Variants in TACC1 observed in about 807,000 individuals in gnomAD.
TACC1 encodes the protein transforming acidic coiled-coil-containing protein 1.
TACC1 carries 48 observed loss-of-function variants against 84.4 expected under a neutral mutation model. That is an observed-to-expected ratio of 0.57 (90% CI 0.45 to 0.72). The LOEUF (loss-of-function observed/expected upper bound fraction) is 0.72, where lower values mean the gene tolerates loss of function less well. Ranked by LOEUF, TACC1 falls within the 30% of genes least tolerant of loss-of-function variation. TACC1 has a pLI of 0.00. For missense variants in TACC1, 920 were observed against 973.0 expected (o/e 0.95, Z 0.72); for synonymous variants, 372 against 376.3 (o/e 0.99, Z 0.13).
intron 6 of TACC1, among the ~76,000 whole-genome samples, chr8:38,831,497 GTTA>G (rs1023133500): frequency 6.6e-6 from 1 of 151,800 alleles, no homozygotes; most frequent in Non-Finnish European, 1.5e-5. Context: ...TATTATTGTT[GTTA>G]TTATTATTAT....
chr8:38,812,744 T>C (rs1587906334), intron 2 of TACC1, among the ~76,000 whole-genome samples: 1 of 152,372 alleles, frequency 6.6e-6, no homozygotes, highest in East Asian at 1.9e-4. Flanking sequence ...ATGGTGCCTT[T>C]CTATTTCCCA....
intron 2 of TACC1, 74 bp downstream of exon 2, chr8:38,788,893 A>G: frequency 8.1e-7 from 1 of 1,233,990 alleles, no homozygotes; most frequent in Non-Finnish European, 1.1e-6. Context: ...AGGAAGGAAA[A>G]AAGTGTAAAT....
At chr8:38,837,912 G>T (rs1830532767) in intron 7 of TACC1, among the ~76,000 whole-genome samples, 1 of 152,246 alleles carries the variant, frequency 6.6e-6, no homozygotes, top group Non-Finnish European at 1.5e-5. Flanking sequence ...TAACTAGCAA[G>T]ACTCTACCCA....
rs60301511 is a variant in TACC1 at position 38,817,919 on chromosome 8, TAAA to T, written c.278-1577_278-1575del. On this transcript the variant is annotated intron_variant, in intron 2 of 12. Coordinates refer to ENST00000317827, the MANE Select transcript of TACC1 (RefSeq NM_006283.3). The stretch of plus-strand genomic sequence containing the variant: ...CCTGGGCAACAGAGTGAGAGACCCC[TAAA>T]AAAAAAAAAAAAAAAAAAAAAAAAA... 1.2e-3 allele frequency among the ~76,000 whole-genome samples: 55 copies of T among 47,822 alleles called. No homozygotes were observed. In the East Asian group the frequency reaches 0.017, roughly 15 times the overall value. The allele number at this position is 47,822 out of a possible 152,430, so 31.4% of individuals were successfully genotyped here.
intron 2 of TACC1, among the ~76,000 whole-genome samples, chr8:38,789,421 T>C (rs747730181): frequency 6.6e-6 from 1 of 152,168 alleles, no homozygotes; most frequent in Non-Finnish European, 1.5e-5. Flanking sequence ...AGAATAAAAT[T>C]TCACCTATCC....
chr8:38,812,848 T>C (rs1824541484), intron 2 of TACC1, among the ~76,000 whole-genome samples: 1 of 152,206 alleles, frequency 6.6e-6, no homozygotes, highest in Non-Finnish European at 1.5e-5. Context: ...AGCCCTCCTC[T>C]TTTTTGCTTG....
chr8:38,806,843 A>C lies in TACC1; in HGVS notation c.278-12679A>C, dbSNP rs1363415896. On this transcript the variant is annotated intron_variant, in intron 2 of 12. Coordinates refer to ENST00000317827, the MANE Select transcript of TACC1 (RefSeq NM_006283.3). Reference sequence around the variant, plus strand: ...CTTTCTCGAGTTAGCCTCAGACTCCACAGGCTTAAGGGCTCAATCTCACAA... The same window carrying C: ...CTTTCTCGAGTTAGCCTCAGACTCCCCAGGCTTAAGGGCTCAATCTCACAA... 3.3e-5 allele frequency among the ~76,000 whole-genome samples: 5 copies of C among 152,154 alleles called. No individual in the cohort carries two copies. The East Asian group carries it at 7.7e-4, about 23-fold the overall frequency.
intron 7 of TACC1, among the ~76,000 whole-genome samples, chr8:38,837,147 G>A: frequency 7.0e-6 from 1 of 143,080 alleles, no homozygotes; most frequent in African/African-American, 2.6e-5. Context: ...TGGCGCAGTA[G>A]CTCATGCCTG....
At chr8:38,833,729 C>A (rs904505585) in intron 6 of TACC1, among the ~76,000 whole-genome samples, 1 of 152,148 alleles carries the variant, frequency 6.6e-6, no homozygotes, top group African/African-American at 2.4e-5. Context: ...TGATGTTTTC[C>A]TGGCTATGAA....
At chr8:38,821,297 T>C (rs945553585) in intron 3 of TACC1, among the ~76,000 whole-genome samples, 2 of 152,074 alleles carry the variant, frequency 1.3e-5, no homozygotes, top group Non-Finnish European at 2.9e-5. Flanking sequence ...TTATAGACAA[T>C]TCAAATGTCA....
intron 6 of TACC1, among the ~76,000 whole-genome samples, chr8:38,832,463 C>T (rs1829454027): frequency 6.6e-6 from 1 of 152,338 alleles, no homozygotes; most frequent in African/African-American, 2.4e-5. Flanking sequence ...ATTTCTGCTT[C>T]CTTAGAACAT....
At chr8:38,841,696 C>T (rs1427417279) in intron 9 of TACC1, among the ~76,000 whole-genome samples, 1 of 152,174 alleles carries the variant, frequency 6.6e-6, no homozygotes, top group Non-Finnish European at 1.5e-5. Context: ...CTGGTCACAT[C>T]ACTAACACCC....
chr8:38,800,416 C>T (rs1239368104), intron 2 of TACC1, among the ~76,000 whole-genome samples: 2 of 152,140 alleles, frequency 1.3e-5, no homozygotes, highest in Non-Finnish European at 2.9e-5. Context: ...CACTCCATTC[C>T]TCTTCCTTCC....
intron 6 of TACC1, among the ~76,000 whole-genome samples, chr8:38,835,917 C>A (rs1249513856): frequency 1.3e-5 from 2 of 152,196 alleles, no homozygotes; most frequent in South Asian, 2.1e-4. Flanking sequence ...CCTTTTAGAT[C>A]AGAATAAAAT....
At chr8:38,826,655 A>G (rs1828131846) in intron 4 of TACC1, among the ~76,000 whole-genome samples, 1 of 152,216 alleles carries the variant, frequency 6.6e-6, no homozygotes, top group African/African-American at 2.4e-5. Flanking sequence ...AGGAAAAGGA[A>G]TAACATAAAT....
At chr8:38,839,339 T>C (rs948536886) in intron 8 of TACC1, 1 of 396,136 alleles carries the variant, frequency 2.5e-6, no homozygotes, top group Non-Finnish European at 4.5e-6. Flanking sequence ...AGGAGAGTTA[T>C]GAGCCATGAA....
intron 3 of TACC1, among the ~76,000 whole-genome samples, chr8:38,781,893 T>TG (rs1177134422): frequency 3.2e-4 from 49 of 152,146 alleles, no homozygotes; most frequent in African/African-American, 1.1e-3. Context: ...CTCTCAGACT[T>TG]GGAGTTGGAC....
chr8:38,836,271 C>A lies in TACC1; in HGVS notation c.1823C>A (p.Thr608Asn), dbSNP rs1563920547. 3 of 1,610,134 alleles carry A rather than the reference C, an allele frequency of 1.9e-6. No homozygotes were observed. The highest frequency in any genetic ancestry group is 2.5e-6 in the Non-Finnish European group (3 of 1,179,664). ...LSESDKTAVL[T>N]LIREEIITKE... ...GAATCAGACAAGACAGCCGTGCTCACCTTAATAAGAGAAGAGGTAAAAGCT... is the reference window on the plus strand; with the variant it reads ...GAATCAGACAAGACAGCCGTGCTCAACTTAATAAGAGAAGAGGTAAAAGCT... Residue 608 changes from threonine (T) to asparagine (N), a missense_variant, in exon 7 of 13, where the codon ACC becomes AAC. Physicochemically the swap from Thr to Asn is moderately conservative, Grantham distance 65. Coordinates refer to ENST00000317827, the MANE Select transcript of TACC1 (RefSeq NM_006283.3).
chr8:38,789,871 A>T (rs1466126394), intron 2 of TACC1, among the ~76,000 whole-genome samples: 2 of 152,178 alleles, frequency 1.3e-5, no homozygotes, highest in African/African-American at 4.8e-5. Context: ...GAGCAGGAGG[A>T]GCTGAAGTCA....
Sources: allele counts gnomAD v4.1 joint callset (sites outside exome capture counted in the v4.1 genomes callset), GRCh38; gene constraint gnomAD v4.1.1; transcripts MANE v1.5; gene names NCBI Gene and HGNC (gene_info 2026-07-23, HGNC 2026-07-21).